Variants in RAB30 observed in about 807,000 individuals in gnomAD.
RAB30 encodes RAB30, member RAS oncogene family.
Under a neutral mutation model 25.1 loss-of-function variants are expected in RAB30, and 9 were observed. That is an observed-to-expected ratio of 0.36 (90% CI 0.22 to 0.63). RAB30 has a LOEUF of 0.63. RAB30 is among the 20% of genes least tolerant of loss of function. RAB30 has a pLI of 0.69. For synonymous variants in RAB30, 77 were observed against 86.4 expected, an observed-to-expected ratio of 0.89 and a Z score of 0.60; for missense variants, 140 against 243.5, an observed-to-expected ratio of 0.58 and a Z score of 2.83.
At chr11:83,042,512 C>G (rs956360983) in intron 1 of RAB30, among the ~76,000 whole-genome samples, 1 of 152,038 alleles carries the variant, frequency 6.6e-6, no homozygotes, top group African/African-American at 2.4e-5. Flanking sequence ...CAAGATGCAC[C>G]ACTGCACTCC....
chr11:83,019,025 TTTTTG>T (rs1159857660), intron 1 of RAB30, among the ~76,000 whole-genome samples: 1 of 152,224 alleles, frequency 6.6e-6, no homozygotes, highest in Non-Finnish European at 1.5e-5. Context: ...TTTTTTGTGC[TTTTTG>T]TTTTGTTTTG....
chr11:83,062,075 T>A (rs764648812), intron 1 of RAB30, among the ~76,000 whole-genome samples: 1 of 152,024 alleles, frequency 6.6e-6, no homozygotes, highest in Non-Finnish European at 1.5e-5. Flanking sequence ...GAAGCTTATA[T>A]TTTCAATCAG....
intron 1 of RAB30, among the ~76,000 whole-genome samples, chr11:83,022,794 T>A (rs1857610996): frequency 6.6e-6 from 1 of 152,128 alleles, no homozygotes; most frequent in Non-Finnish European, 1.5e-5. Flanking sequence ...TGGGGAAATA[T>A]GAACATGGCC....
At chr11:83,002,952 T>C (rs1565273111) in intron 1 of RAB30, among the ~76,000 whole-genome samples, 1 of 152,186 alleles carries the variant, frequency 6.6e-6, no homozygotes, top group Non-Finnish European at 1.5e-5. Context: ...TCCCCTAAAA[T>C]ATTTTGGTGA....
rs1856542139 is a variant in RAB30, at chr11:82,976,110, A to C, written c.*6055T>G. On this transcript the variant is annotated 3_prime_UTR_variant, in exon 5 of 5. Coordinates refer to ENST00000527633, the MANE Select transcript of RAB30 (RefSeq NM_001286060.2). ...ATGGAGGGTGACAGTAGTAATGCCC[A>C]AAGGCAAAAGGATGGATCAGACAAA... is the stretch of plus-strand genomic sequence containing the variant. 6.6e-6 allele frequency: 1 copy of C among 152,204 alleles called. No individual in the cohort carries two copies. The highest frequency in any genetic ancestry group is 1.5e-5 in the Non-Finnish European group (1 of 68,018). 9.4% of individuals were successfully genotyped at this position (152,204 alleles called of 1,614,324 possible).
intron 1 of RAB30, among the ~76,000 whole-genome samples, chr11:83,045,056 C>T (rs955630220): frequency 1.3e-5 from 2 of 152,120 alleles, no homozygotes; most frequent in Non-Finnish European, 2.9e-5. Flanking sequence ...CTTTCCTAGC[C>T]GAAATCTGCA....
chr11:83,018,476 T>C (rs933968455), intron 1 of RAB30, among the ~76,000 whole-genome samples: 1 of 152,170 alleles, frequency 6.6e-6, no homozygotes, highest in African/African-American at 2.4e-5. Flanking sequence ...TTATTGACCA[T>C]TTGTATATCT....
chr11:83,036,968 A>G (rs539570727), intron 1 of RAB30, among the ~76,000 whole-genome samples: 2 of 152,316 alleles, frequency 1.3e-5, no homozygotes, highest in African/African-American at 4.8e-5. Flanking sequence ...TCCAAAGGGC[A>G]ATGGGAGATC....
intron 1 of RAB30, among the ~76,000 whole-genome samples, chr11:83,061,733 T>TA (rs398016909): frequency 6.8e-6 from 1 of 146,228 alleles, no homozygotes; most frequent in Non-Finnish European, 1.5e-5. Context: ...TTTTTTTTTT[T>TA]AAAGATGGGG....
At chr11:82,997,672 G>A (rs1856987054) in intron 1 of RAB30, among the ~76,000 whole-genome samples, 2 of 152,020 alleles carry the variant, frequency 1.3e-5, no homozygotes, top group South Asian at 4.2e-4. Context: ...GGCAAGCTGG[G>A]GTGCAAAAAA....
In RAB30 at chr11:82,976,672, A is replaced by G. The variant is rs999681576; in HGVS notation, c.*5493T>C. The G allele has an allele frequency of 2.0e-5, 3 of 152,188 alleles. No individual in the cohort carries two copies. Among genetic ancestry groups the G allele is most frequent in the African/African-American group, 7.2e-5 (3 of 41,446 alleles). The allele number at this position is 152,188 out of a possible 1,614,324, so 9.4% of individuals were successfully genotyped here. On this transcript the variant is annotated 3_prime_UTR_variant, in exon 5 of 5. Transcript: ENST00000527633. ...AAAGGAGTCCAAGAAAGTCTCAATC[A>G]AACTCAAATAGATTTGTCACCATAC...
rs749094845 is a variant in RAB30, at chr11:82,973,329, T to C, written c.*8836A>G. On this transcript the variant is annotated 3_prime_UTR_variant, in exon 5 of 5. Transcript: ENST00000527633. ...AACATAGGCTACAATGAATGGACAG[T>C]CATATGGTTTGGTGATTTGACAAAC... The C allele has an allele frequency of 2.0e-5, 3 of 152,212 alleles. No individual in the cohort carries two copies. Among genetic ancestry groups the C allele is most frequent in the Non-Finnish European group, 4.4e-5 (3 of 68,032 alleles). 9.4% of individuals were successfully genotyped at this position (152,212 alleles called of 1,614,324 possible).
At chr11:83,033,514 G>A (rs1006797848) in intron 1 of RAB30, among the ~76,000 whole-genome samples, 15 of 152,248 alleles carry the variant, frequency 9.9e-5, no homozygotes, top group East Asian at 5.8e-4. Flanking sequence ...GAGAACACTC[G>A]ATATGCCAAG....
At chr11:83,042,143 C>T (rs138067884) in intron 1 of RAB30, among the ~76,000 whole-genome samples, 1 of 152,082 alleles carries the variant, frequency 6.6e-6, no homozygotes, top group Non-Finnish European at 1.5e-5. Context: ...GCAGGGAACA[C>T]GCCTTACCAT....
intron 1 of RAB30, among the ~76,000 whole-genome samples, chr11:83,036,806 C>A (rs1295035416): frequency 2.0e-5 from 3 of 152,264 alleles, no homozygotes; most frequent in East Asian, 3.9e-4. Context: ...GCAATAGATA[C>A]AAGAAGTGCA....
At position 82,973,313 on chromosome 11, in the gene RAB30, T is replaced by C. The variant is rs2121412202; in HGVS notation, c.*8852A>G. On this transcript the variant is annotated 3_prime_UTR_variant, in exon 5 of 5. Coordinates refer to ENST00000527633, the MANE Select transcript of RAB30 (RefSeq NM_001286060.2). ...TTTCTTAATAATAGAAAACATAGGC[T>C]ACAATGAATGGACAGTCATATGGTT... The C allele has an allele frequency of 6.6e-6, 1 of 152,340 alleles. No individual in the cohort carries two copies. The highest frequency in any genetic ancestry group is 1.5e-5 in the Non-Finnish European group (1 of 68,020). 9.4% of individuals were successfully genotyped at this position (152,340 alleles called of 1,614,324 possible).
intron 1 of RAB30, among the ~76,000 whole-genome samples, chr11:83,022,208 G>A (rs1471723661): frequency 6.6e-6 from 1 of 152,096 alleles, no homozygotes; most frequent in Non-Finnish European, 1.5e-5. Flanking sequence ...GCTCAGGCTG[G>A]AATCCAGTAG....
At chr11:83,055,213 G>A (rs1367287364) in intron 1 of RAB30, among the ~76,000 whole-genome samples, 1 of 152,184 alleles carries the variant, frequency 6.6e-6, no homozygotes, top group Non-Finnish European at 1.5e-5. Context: ...CATACATAAA[G>A]TGCCTAGCAT....
chr11:83,054,649 C>A (rs1369839332), intron 1 of RAB30, among the ~76,000 whole-genome samples: 1 of 151,864 alleles, frequency 6.6e-6, no homozygotes, highest in East Asian at 1.9e-4. Flanking sequence ...TCACTTGAGC[C>A]CAAGAGTTTG....
Sources: gnomAD v4.1 joint callset for allele counts (sites outside exome capture counted in the v4.1 genomes callset) on GRCh38, gnomAD v4.1.1 for gene constraint, MANE v1.5 for transcripts, NCBI Gene and HGNC (gene_info 2026-07-23, HGNC 2026-07-21) for gene names.